Variants in CCHCR1 observed in about 807,000 individuals in gnomAD.
CCHCR1 encodes HCR (a-helix coiled-coil rod homologue).
In CCHCR1, 91 loss-of-function variants were observed where a neutral mutation model predicts 114.6. The observed-to-expected ratio is 0.79, with a 90% CI of 0.67 to 0.94. CCHCR1 has a LOEUF of 0.94. Among genes scored for constraint, CCHCR1 ranks in the 40% least tolerant of loss-of-function variants. The pLI is 0.00. For missense variants in CCHCR1, 899 were observed against 1,079.9 expected, an observed-to-expected ratio of 0.83 and a Z score of 2.35; for synonymous variants, 379 against 428.5, an observed-to-expected ratio of 0.88 and a Z score of 1.43.
chr6:31,145,146 C>T lies in CCHCR1; in HGVS notation c.1876+20G>A. ...CCGGGTTTTTCCTCATCCTCTCCAC[C>T]CCCTGGCAACCAGGTGTACCTTGCT... On this transcript the variant is annotated intron_variant, in intron 13 of 17. Coordinates refer to ENST00000396268, the MANE Select transcript of CCHCR1 (RefSeq NM_001105564.2). 1.9e-6 allele frequency: 3 copies of T among 1,610,860 alleles called. No homozygotes were observed. The highest frequency in any genetic ancestry group is 2.2e-5 in the South Asian group (2 of 91,050).
In CCHCR1 at chr6:31,154,844, G is replaced by A. The variant is rs1775763614; in HGVS notation, c.498-45C>T. Reference sequence around the variant, plus strand: ...CAGGTGAGACTTGTCTCCAGTGCTGGAAGGATAGTTGAGGGCATAAACATA... The same window carrying A: ...CAGGTGAGACTTGTCTCCAGTGCTGAAAGGATAGTTGAGGGCATAAACATA... On this transcript the variant is annotated intron_variant, in intron 3 of 17. Coordinates refer to ENST00000396268, the MANE Select transcript of CCHCR1 (RefSeq NM_001105564.2). The surrounding 1 kb of genome is among the most constrained non-coding windows in gnomAD (Gnocchi z 4.1). 6.5e-7 allele frequency: 1 copy of A among 1,529,358 alleles called. No individual in the cohort carries two copies. Among genetic ancestry groups the A allele is most frequent in the East Asian group, 2.3e-5 (1 of 43,610 alleles). 94.7% of individuals were successfully genotyped at this position (1,529,358 alleles called of 1,614,324 possible). A position where few individuals can be genotyped will look rare whatever the true frequency, so the allele number is the denominator to read the frequency against.
chr6:31,143,314 T>A lies in CCHCR1; in HGVS notation c.2267A>T (p.Gln756Leu), dbSNP rs150789792. The A allele has an allele frequency of 2.0e-3, 3,271 of 1,612,792 alleles. 38 individuals carry two copies. The African/African-American group carries it at 0.021, about 10-fold the overall frequency. Residue 756 changes from glutamine to leucine, a missense_variant, in exon 16 of 18, where the codon CAG (glutamine) becomes CTG (leucine). Transcript: ENST00000396268. The surrounding 1 kb of genome is among the most constrained non-coding windows in gnomAD (Gnocchi z 5.3). Reference protein sequence around the residue: ...LQEEARKEEGQRLARRLQELE... With the variant: ...LQEEARKEEGLRLARRLQELE... Reference sequence around the variant, plus strand: ...CTCCTGCAAGCGCCGGGCCAGTCGCTGCCCCTCCTCCTTCCGGGCCTCCTC... The same window carrying A: ...CTCCTGCAAGCGCCGGGCCAGTCGCAGCCCCTCCTCCTTCCGGGCCTCCTC...
Position 31,145,709 on chromosome 6 carries a change from G to C in CCHCR1, c.1680C>G (p.Val560=). The C allele has an allele frequency of 6.2e-7, 1 of 1,612,714 alleles. No homozygotes were observed. The highest frequency in any genetic ancestry group is 8.5e-7 in the Non-Finnish European group (1 of 1,178,820). Residue 560 remains valine, a synonymous_variant, in exon 11 of 18, where the codon GTC becomes GTG. Coordinates refer to ENST00000396268, the MANE Select transcript of CCHCR1 (RefSeq NM_001105564.2). Reference sequence around the variant, plus strand: ...TGTCCTACGCACCCCGAATGGTGTGGACCTTGCGGACAGCATAGCTGAGTC... The same window carrying C: ...TGTCCTACGCACCCCGAATGGTGTGCACCTTGCGGACAGCATAGCTGAGTC... ...NNRLSYAVRK[V]HTIRGLIARK...
rs746420594 is a variant in CCHCR1, at chr6:31,143,312, G to A, written c.2269C>T (p.Arg757Ter). 1.1e-5 allele frequency: 18 copies of A among 1,612,572 alleles called. No homozygotes were observed. The highest frequency in any genetic ancestry group is 7.7e-5 in the South Asian group (7 of 91,090). The change falls in exon 16 of 18, where the codon CGA becomes TGA. Residue 757 changes from arginine (R) to a stop codon, truncating the protein, a stop_gained. Transcript: ENST00000396268. LOFTEE classifies it high-confidence loss of function. This position sits in a 1 kb window ranked among gnomAD's most constrained non-coding sequence, Gnocchi z 5.3. ...AGCTCCTGCAAGCGCCGGGCCAGTC[G>A]CTGCCCCTCCTCCTTCCGGGCCTCC... ...QEEARKEEGQRLARRLQELER... is the reference protein window; with the variant it reads ...QEEARKEEGQ
intron 8 of CCHCR1, 103 bp from the exon 9 acceptor site, chr6:31,148,831 GCA>G: frequency 5.7e-6 from 3 of 529,424 alleles, no homozygotes; most frequent in South Asian, 4.4e-5. Flanking sequence ...AGAATGCCAT[GCA>G]GGGGCTGGGG....
rs902697271 is a variant in CCHCR1, at chr6:31,143,301, C to T, written c.2280G>A (p.Arg760=). 1 of 1,612,848 alleles carries T rather than the reference C, an allele frequency of 6.2e-7. No individual in the cohort carries two copies. The highest frequency in any genetic ancestry group is 8.5e-7 in the Non-Finnish European group (1 of 1,180,016). ...ARKEEGQRLA[R]RLQELERDKN... is the part of the protein sequence containing the mutation. The stretch of plus-strand genomic sequence containing the variant: ...TATCCCTCTCTAGCTCCTGCAAGCG[C>T]CGGGCCAGTCGCTGCCCCTCCTCCT... The change falls in exon 16 of 18, where the codon CGG becomes CGA. Residue 760 remains arginine (R), a synonymous_variant. Transcript: ENST00000396268. The surrounding 1 kb of genome is among the most constrained non-coding windows in gnomAD (Gnocchi z 5.3).
rs1401313697 is a variant in CCHCR1 at position 31,144,091 on chromosome 6, A to C, written c.2167+596T>G. On this transcript the variant is annotated intron_variant, in intron 15 of 17. Transcript: ENST00000396268. The surrounding 1 kb of genome is among the most constrained non-coding windows in gnomAD (Gnocchi z 4.6). ...CAACAACAAAACATTAAATGATTAC[A>C]ACTTAAAGTGATTCAAAAGATGTAC... 6.6e-6 allele frequency among the ~76,000 whole-genome samples: 1 copy of C among 152,194 alleles called. No homozygotes were observed. The highest frequency in any genetic ancestry group is 1.9e-4 in the East Asian group (1 of 5,192).
intron 8 of CCHCR1, 58 bp from the exon 9 acceptor site, chr6:31,148,786 C>CT: frequency 1.1e-6 from 1 of 942,568 alleles, no homozygotes; most frequent in African/African-American, 1.8e-5. Context: ...GAGGGGGGCA[C>CT]TGGAAGCAAA....
In CCHCR1 at chr6:31,143,036, G is replaced by A; in HGVS notation, c.2418C>T (p.Ser806=). The change falls in exon 17 of 18, where the codon TCC becomes TCT. Residue 806 remains serine (S), a synonymous_variant. Coordinates refer to ENST00000396268, the MANE Select transcript of CCHCR1 (RefSeq NM_001105564.2). This position sits in a 1 kb window ranked among gnomAD's most constrained non-coding sequence, Gnocchi z 5.3. ...SLLDKKKSVV[S]SPRPPECSAS... is the part of the protein sequence containing the mutation. Reference sequence around the variant, plus strand: ...CTGAACACTCTGGAGGCCTGGGGCTGGACACCACAGATTTCTTCTTATCCA... The same window carrying A: ...CTGAACACTCTGGAGGCCTGGGGCTAGACACCACAGATTTCTTCTTATCCA... 1 of 1,613,030 alleles carries A rather than the reference G, an allele frequency of 6.2e-7. No homozygotes were observed. Among genetic ancestry groups the A allele is most frequent in the Non-Finnish European group, 8.5e-7 (1 of 1,180,022 alleles).
intron 4 of CCHCR1, among the ~76,000 whole-genome samples, chr6:31,153,870 G>A (rs919715490): frequency 6.6e-6 from 1 of 152,202 alleles, no homozygotes; most frequent in Non-Finnish European, 1.5e-5. Flanking sequence ...GAGCCACTGC[G>A]CCCAGGGCTA....
intron 4 of CCHCR1, among the ~76,000 whole-genome samples, chr6:31,152,036 C>T (rs1254193411): frequency 1.3e-5 from 2 of 152,166 alleles, no homozygotes; most frequent in Non-Finnish European, 2.9e-5. Context: ...GTGGCTCATT[C>T]CTGTAATTCC....
chr6:31,153,701 T>C (rs1303924349), intron 4 of CCHCR1, among the ~76,000 whole-genome samples: 3 of 152,226 alleles, frequency 2.0e-5, no homozygotes, highest in Admixed American at 6.5e-5. Context: ...TGCCTCGGCC[T>C]CCCAAGTAGC....
intron 3 of CCHCR1, chr6:31,156,463 A>G: frequency 2.0e-6 from 1 of 494,926 alleles, no homozygotes; most frequent in Non-Finnish European, 3.5e-6. Context: ...CTTTACCATC[A>G]GCTGGTGGTC....
At chr6:31,142,787 G>T in intron 17 of CCHCR1, 71 bp from the exon 18 acceptor site, 1 of 1,569,612 alleles carries the variant, frequency 6.4e-7, no homozygotes, top group Non-Finnish European at 8.7e-7. Flanking sequence ...AACAGGGCTG[G>T]CACAGGAAAT....
rs1775669410 is a variant in CCHCR1 at position 31,154,245 on chromosome 6, T to G, written c.801+251A>C. Among the ~76,000 whole-genome samples the G allele has an allele frequency of 6.6e-6, 1 of 152,026 alleles. No homozygotes were observed. The highest frequency in any genetic ancestry group is 2.4e-5 in the African/African-American group (1 of 41,384). ...AGTAGGGAGGCAAACTATTTCCTAC[T>G]AGAAAGGGAAGCAGGGCTTCAAGTG... On this transcript the variant is annotated intron_variant, in intron 4 of 17. Coordinates refer to ENST00000396268, the MANE Select transcript of CCHCR1 (RefSeq NM_001105564.2). The surrounding 1 kb of genome is among the most constrained non-coding windows in gnomAD (Gnocchi z 4.1).
At position 31,151,158 on chromosome 6, in the gene CCHCR1, CCCCACA is replaced by C; in HGVS notation, c.802-42_802-37del. On this transcript the variant is annotated intron_variant, in intron 4 of 17. Transcript: ENST00000396268. This position sits in a 1 kb window ranked among gnomAD's most constrained non-coding sequence, Gnocchi z 4.1. ...AAGAGGGGGCTCAGCAGAGGCTCGA[CCCCACA>C]TGGAGGCCTTCCTTGTTCCCTTCAC... The C allele has an allele frequency of 6.3e-7, 1 of 1,591,670 alleles. No individual in the cohort carries two copies. The highest frequency in any genetic ancestry group is 8.5e-7 in the Non-Finnish European group (1 of 1,170,578).
rs761274809 is a variant in CCHCR1 at position 31,151,167 on chromosome 6, G to A, written c.802-45C>T. ...CTCAGCAGAGGCTCGACCCCACATG[G>A]AGGCCTTCCTTGTTCCCTTCACTCC... On this transcript the variant is annotated intron_variant, in intron 4 of 17. Coordinates refer to ENST00000396268, the MANE Select transcript of CCHCR1 (RefSeq NM_001105564.2). This position sits in a 1 kb window ranked among gnomAD's most constrained non-coding sequence, Gnocchi z 4.1. 1 of 1,576,150 alleles carries A rather than the reference G, an allele frequency of 6.3e-7. No individual in the cohort carries two copies. Among genetic ancestry groups the A allele is most frequent in the Non-Finnish European group, 8.6e-7 (1 of 1,163,206 alleles).
chr6:31,151,990 T>C lies in CCHCR1; in HGVS notation c.802-868A>G, dbSNP rs73399045. Reference sequence around the variant, plus strand: ...ATAAAATACAAATCTAATCATGTTATTTCCCTGCTTAAAACCTTTCAACAG... The same window carrying C: ...ATAAAATACAAATCTAATCATGTTACTTCCCTGCTTAAAACCTTTCAACAG... On this transcript the variant is annotated intron_variant, in intron 4 of 17. Coordinates refer to ENST00000396268, the MANE Select transcript of CCHCR1 (RefSeq NM_001105564.2). This position sits in a 1 kb window ranked among gnomAD's most constrained non-coding sequence, Gnocchi z 4.1. Among the ~76,000 whole-genome samples, 3,048 of 152,264 alleles carry C rather than the reference T, an allele frequency of 0.02. 52 individuals carry two copies. The highest frequency in any genetic ancestry group is 0.036 in the African/African-American group (1,491 of 41,544).
Position 31,156,778 on chromosome 6 carries a change from C to T in CCHCR1, c.450G>A (p.Trp150Ter). 6.2e-7 allele frequency: 1 copy of T among 1,612,918 alleles called. No individual in the cohort carries two copies. The highest frequency in any genetic ancestry group is 8.5e-7 in the Non-Finnish European group (1 of 1,180,014). The change falls in exon 3 of 18, where the codon TGG becomes TGA. Residue 150 changes from tryptophan (W) to a stop codon, truncating the protein, a stop_gained. Coordinates refer to ENST00000396268, the MANE Select transcript of CCHCR1 (RefSeq NM_001105564.2). LOFTEE classifies it high-confidence loss of function. The stretch of plus-strand genomic sequence containing the variant: ...GCCTGTCACTGGAAACATCCCGTTC[C>T]CACATGGTCACTTGAGGTCTCTGGG... ...LDTQRPQVTM[W>*]ERDVSSDRQE...
Sources: allele counts gnomAD v4.1 joint callset (sites outside exome capture counted in the v4.1 genomes callset), GRCh38; gene constraint gnomAD v4.1.1; non-coding constraint Gnocchi (gnomAD v3.1); transcripts MANE v1.5; gene names NCBI Gene and HGNC (gene_info 2026-07-23, HGNC 2026-07-21).